Variants in NEMF observed in about 807,000 individuals in gnomAD.
The protein encoded by NEMF is nuclear export mediator factor.
Under a neutral mutation model 162.2 loss-of-function variants are expected in NEMF, and 89 were observed. The observed-to-expected ratio is 0.55, with a 90% CI of 0.46 to 0.65. The LOEUF is 0.65. Among genes scored for constraint, NEMF ranks in the 30% least tolerant of loss-of-function variants. NEMF has a pLI of 0.00. For synonymous variants in NEMF, 421 were observed against 404.5 expected (o/e 1.04, Z -0.49); for missense variants, 1,133 against 1,261.9 (o/e 0.90, Z 1.55).
chr14:49,798,751 C>T (rs1555345821), intron 25 of NEMF, among the ~76,000 whole-genome samples: 1 of 151,974 alleles, frequency 6.6e-6, no homozygotes, highest in Non-Finnish European at 1.5e-5. Flanking sequence ...ACTAAAAATA[C>T]AAAAAATTAG....
chr14:49,799,425 A>C (rs1890852544), intron 25 of NEMF, 50 bp downstream of exon 25: 1 of 1,493,134 alleles, frequency 6.7e-7, no homozygotes, highest in Non-Finnish European at 9.1e-7. Context: ...CTATCAATTA[A>C]AAAAAAAAGA....
Position 49,802,669 on chromosome 14 carries a change from C to T in NEMF, c.1974G>A (p.Lys658=). 6.2e-7 allele frequency: 1 copy of T among 1,611,896 alleles called. No individual in the cohort carries two copies. The highest frequency in any genetic ancestry group is 8.5e-7 in the Non-Finnish European group (1 of 1,179,272). Residue 658 remains lysine, a splice_region_variant and synonymous_variant, in exon 21 of 33, where the codon AAG becomes AAA. Coordinates refer to ENST00000298310, the MANE Select transcript of NEMF (RefSeq NM_004713.6). ...YLMMGFSFLF[K]VDESCVWRHQ... is the part of the protein sequence containing the mutation. ...AAATAACCAAGAAGTTGAAGAGTAC[C>T]TTAAAAAGGAAGCTAAACCCCATCA...
Position 49,785,227 on chromosome 14 carries a change from T to C in NEMF, c.3022A>G (p.Asn1008Asp). The C allele has an allele frequency of 6.2e-7, 1 of 1,613,146 alleles. No homozygotes were observed. The highest frequency in any genetic ancestry group is 8.5e-7 in the Non-Finnish European group (1 of 1,179,116). The change falls in exon 30 of 33, where the codon AAC becomes GAC. Residue 1008 changes from asparagine (N) to aspartate (D), a missense_variant. Asn to Asp is a conservative substitution (Grantham distance 23, BLOSUM62 1). This residue lies in a region of NEMF where 532 missense variants were observed against 578.6 expected (regional missense o/e 0.92). Transcript: ENST00000298310. ...PICAPYTTMT[N>D]YKYKVKLTPG... ...CAACTAATGGTAACTTACTTGTAGT[T>C]TGTCATGGTGGTGTAAGGGGCACAT...
chr14:49,793,791 C>A (rs1890561070), intron 26 of NEMF, among the ~76,000 whole-genome samples: 1 of 152,022 alleles, frequency 6.6e-6, no homozygotes, highest in African/African-American at 2.4e-5. Flanking sequence ...GGCAGAAGCA[C>A]TGTTAAGACT....
intron 16 of NEMF, among the ~76,000 whole-genome samples, chr14:49,824,481 T>C (rs938306402): frequency 7.4e-6 from 1 of 136,044 alleles, no homozygotes; most frequent in Non-Finnish European, 1.5e-5. Flanking sequence ...AGGCAGAGGT[T>C]ACAGTGAGCC....
At chr14:49,828,076 C>T (rs1005785574) in intron 15 of NEMF, among the ~76,000 whole-genome samples, 2 of 151,938 alleles carry the variant, frequency 1.3e-5, no homozygotes, top group African/African-American at 4.8e-5. Flanking sequence ...CCTGAGTGAA[C>T]AGAAAAATGA....
In NEMF at chr14:49,829,051, T is replaced by C; in HGVS notation, c.1232+3A>G. The C allele has an allele frequency of 6.2e-7, 1 of 1,612,466 alleles. No homozygotes were observed. Among genetic ancestry groups the C allele is most frequent in the African/African-American group, 1.3e-5 (1 of 75,008 alleles). On this transcript the variant is annotated splice_donor_region_variant and intron_variant, in intron 13 of 32. Transcript: ENST00000298310. ...TAACTGCTTGACTAAGAGTCAAACT[T>C]ACCTTAGCAGCATTGTAACATGGTT...
chr14:49,844,343 G>C (rs1410895733), intron 4 of NEMF, among the ~76,000 whole-genome samples: 1 of 152,160 alleles, frequency 6.6e-6, no homozygotes, highest in East Asian at 1.9e-4. Context: ...TGCCACCACT[G>C]ATCTGACAGG....
intron 4 of NEMF, chr14:49,845,929 T>C (rs1893477826): frequency 1.8e-6 from 1 of 556,046 alleles, no homozygotes; most frequent in Non-Finnish European, 3.2e-6. Context: ...AAGGCTATTC[T>C]AAATGGCTAA....
intron 15 of NEMF, 84 bp downstream of exon 15, chr14:49,828,207 C>T (rs945251055): frequency 1.0e-6 from 1 of 953,436 alleles, no homozygotes; most frequent in Non-Finnish European, 1.7e-6. Flanking sequence ...ATTAGAAAAC[C>T]TCATTTAAAC....
chr14:49,852,691 G>A lies in NEMF; in HGVS notation c.59+4C>T. Reference sequence around the variant, plus strand: ...CACGAGCCTCGTCACTTAGGGTACTGTACCTAGCATTCAGCTCCGCGAGTA... The same window carrying A: ...CACGAGCCTCGTCACTTAGGGTACTATACCTAGCATTCAGCTCCGCGAGTA... On this transcript the variant is annotated splice_donor_region_variant and intron_variant, in intron 1 of 32. Coordinates refer to ENST00000298310, the MANE Select transcript of NEMF (RefSeq NM_004713.6). 1 of 1,614,216 alleles carries A rather than the reference G, an allele frequency of 6.2e-7. No homozygotes were observed. The highest frequency in any genetic ancestry group is 8.5e-7 in the Non-Finnish European group (1 of 1,180,014).
chr14:49,786,640 A>G (rs1594717201), intron 29 of NEMF, 78 bp downstream of exon 29: 11 of 1,398,634 alleles, frequency 7.9e-6, no homozygotes, highest in East Asian at 6.9e-5. Context: ...CTAAGTTTTA[A>G]TAAGTTGTGT....
In NEMF at chr14:49,852,786, T is replaced by C. The variant is rs1893851911; in HGVS notation, c.-33A>G. The C allele has an allele frequency of 1.2e-5, 20 of 1,612,912 alleles. No individual in the cohort carries two copies. Among genetic ancestry groups the C allele is most frequent in the Non-Finnish European group, 1.7e-5 (20 of 1,178,954 alleles). On this transcript the variant is annotated 5_prime_UTR_variant, in exon 1 of 33. Coordinates refer to ENST00000298310, the MANE Select transcript of NEMF (RefSeq NM_004713.6). ...CCCGAGGGTCACTACCGCAAGTTCC[T>C]CTACTGCCCGGCCGGACTCGACGCC...
chr14:49,821,009 GAGATGTGGGGAGCA>G lies in NEMF; in HGVS notation c.1577+4844_1577+4857del, dbSNP rs1307236163. On this transcript the variant is annotated intron_variant, in intron 16 of 32. Transcript: ENST00000298310. ...GTCTCTGCCCGGCCGCCCATCATCT[GAGATGTGGGGAGCA>G]CCTCTGCCCCGCCGCCCCGTCTGGG... Among the ~76,000 whole-genome samples the G allele has an allele frequency of 1.3e-4, 2 of 15,314 alleles. 1 individual carries two copies. Among genetic ancestry groups the G allele is most frequent in the Non-Finnish European group, 0.019 (2 of 108 alleles). The allele number at this position is 15,314 out of a possible 152,430, so 10.0% of individuals were successfully genotyped here.
intron 16 of NEMF, among the ~76,000 whole-genome samples, chr14:49,821,850 G>A (rs1003302855): frequency 5.3e-5 from 8 of 152,020 alleles, no homozygotes; most frequent in Admixed American, 3.3e-4. Flanking sequence ...TGACAATGGC[G>A]GTTTTGTGGA....
Position 49,782,367 on chromosome 14 carries a change from C to A in NEMF, c.*2269G>T. On this transcript the variant is annotated 3_prime_UTR_variant, in exon 33 of 33. Transcript: ENST00000298310. The stretch of plus-strand genomic sequence containing the variant: ...TTCAAACTCGTTTTTGTTTTAAATG[C>A]AGGTTATGGCACACAGCTTGTGCCA... The A allele has an allele frequency of 6.3e-7, 1 of 1,594,708 alleles. No individual in the cohort carries two copies. The highest frequency in any genetic ancestry group is 1.1e-5 in the South Asian group (1 of 88,444).
At chr14:49,796,286 G>A (rs749762901) in intron 25 of NEMF, 1 of 469,474 alleles carries the variant, frequency 2.1e-6, no homozygotes, top group East Asian at 6.6e-5. Flanking sequence ...AGCATTGGCA[G>A]GTCTTAGGCA....
chr14:49,800,635 T>C lies in NEMF; in HGVS notation c.2157A>G (p.Glu719=). 1 of 1,613,866 alleles carries C rather than the reference T, an allele frequency of 6.2e-7. No individual in the cohort carries two copies. Among genetic ancestry groups the C allele is most frequent in the Non-Finnish European group, 8.5e-7 (1 of 1,179,852 alleles). The change falls in exon 23 of 33, where the codon GAA becomes GAG. Residue 719 remains glutamate (E), a synonymous_variant. Coordinates refer to ENST00000298310, the MANE Select transcript of NEMF (RefSeq NM_004713.6). ...KEEHETPVEV[E]LMTQVDQEDI... ...CCTCTTGGTCAACCTGAGTCATGAG[T>C]TCTACTTCCACAGGAGTTTCATGTT...
chr14:49,829,173 G>C lies in NEMF; in HGVS notation c.1113C>G (p.Asn371Lys). 6.2e-7 allele frequency: 1 copy of C among 1,614,086 alleles called. No individual in the cohort carries two copies. Among genetic ancestry groups the C allele is most frequent in the Non-Finnish European group, 8.5e-7 (1 of 1,179,994 alleles). Residue 371 changes from asparagine to lysine, a missense_variant, in exon 13 of 33, where the codon AAC (asparagine) becomes AAG (lysine). Coordinates refer to ENST00000298310, the MANE Select transcript of NEMF (RefSeq NM_004713.6). ...AIQVVRSALA[N>K]QIDWTEIGLI... ...ACCCAATTTCTGTCCAATCTATCTG[G>C]TTAGCTAAAGCACTTCGAACTACCT...
Sources: gnomAD v4.1 joint callset for allele counts (sites outside exome capture counted in the v4.1 genomes callset) on GRCh38, gnomAD v4.1.1 for gene constraint, gnomAD v4.1.1 regional missense constraint, MANE v1.5 for transcripts, NCBI Gene and HGNC (gene_info 2026-07-23, HGNC 2026-07-21) for gene names.